MID1: variants seen among roughly 807,000 people sequenced by gnomAD.
MID1 encodes the protein midline 1, also known as E3 ubiquitin-protein ligase Midline-1.
MID1 carries 7 observed loss-of-function variants against 40.4 expected under a neutral mutation model. That is an observed-to-expected ratio of 0.17 (90% CI 0.10 to 0.33). The LOEUF (loss-of-function observed/expected upper bound fraction) is 0.33. MID1 is among the 10% of genes least tolerant of loss of function. The probability of loss-of-function intolerance (pLI) is 1.00; values close to 1 mark genes in which losing one functional copy is unlikely to be tolerated. For synonymous variants in MID1, 229 were observed against 221.2 expected (o/e 1.04, Z -0.31); for missense variants, 367 against 558.5 (o/e 0.66, Z 3.46).
At position 10,446,828 on chromosome X, in the gene MID1, T is replaced by C. The variant is rs1434812262; in HGVS notation, c.*2540A>G. The C allele has an allele frequency of 1.8e-5, 2 of 112,327 alleles. No individual in the cohort carries two copies. Among genetic ancestry groups the C allele is most frequent in the East Asian group, 5.6e-4 (2 of 3,580 alleles). 9.3% of individuals were successfully genotyped at this position (112,327 alleles called of 1,213,427 possible). A position where few individuals can be genotyped will look rare whatever the true frequency, so the allele number is the denominator to read the frequency against. On this transcript the variant is annotated 3_prime_UTR_variant, in exon 10 of 10. Coordinates refer to ENST00000317552, the MANE Select transcript of MID1 (RefSeq NM_000381.4). ...CACCAGACCTGGCAGTCTTGGTTGG[T>C]GCTGCATTGATTTTGTTGTATTAAT... is the stretch of plus-strand genomic sequence containing the variant.
At chrX:10,488,501 T>C (rs961322851) in intron 4 of MID1, among the ~76,000 whole-genome samples, 1 of 112,045 alleles carries the variant, frequency 8.9e-6, no homozygotes, top group Non-Finnish European at 1.9e-5. Context: ...ATTATTCTAG[T>C]AGGTAGGAAG....
chrX:10,626,306 T>A (rs1178183300), intron 1 of MID1, among the ~76,000 whole-genome samples: 6 of 102,054 alleles, frequency 5.9e-5, no homozygotes, highest in African/African-American at 2.2e-4. Context: ...GGTGATCATA[T>A]GAAACTATTA....
At chrX:10,672,116 T>TC (rs2042990720) in intron 1 of MID1, among the ~76,000 whole-genome samples, 1 of 109,894 alleles carries the variant, frequency 9.1e-6, no homozygotes, top group Non-Finnish European at 1.9e-5. Context: ...TCCCAGCTAC[T>TC]CAGGAGGCTG....
At chrX:10,553,557 G>C (rs1436546836) in intron 2 of MID1, among the ~76,000 whole-genome samples, 1 of 111,723 alleles carries the variant, frequency 9.0e-6, no homozygotes, top group Non-Finnish European at 1.9e-5. Flanking sequence ...TGAACTCATA[G>C]ACCAAGACTA....
At chrX:10,557,211 T>C (rs1934155840) in intron 2 of MID1, among the ~76,000 whole-genome samples, 1 of 111,646 alleles carries the variant, frequency 9.0e-6, no homozygotes, top group African/African-American at 3.3e-5. Context: ...GGGGGCATCT[T>C]CTAGGCAACT....
intron 6 of MID1, among the ~76,000 whole-genome samples, chrX:10,472,532 A>G (rs1929766580): frequency 1.8e-5 from 2 of 112,751 alleles, no homozygotes; most frequent in Admixed American, 1.9e-4. Flanking sequence ...TCTGGGCAGA[A>G]TGGCCATGTG....
At chrX:10,696,526 C>T (rs5979344) in intron 1 of MID1, among the ~76,000 whole-genome samples, 8,969 of 111,452 alleles carry the variant, frequency 0.08, 523 homozygotes, top group African/African-American at 0.21. Context: ...CTCTACAACT[C>T]GCCTCAGTCT....
chrX:10,557,199 A>T (rs995347780), intron 2 of MID1, among the ~76,000 whole-genome samples: 16 of 111,664 alleles, frequency 1.4e-4, no homozygotes, highest in African/African-American at 5.2e-4. Context: ...AAATGTCAGC[A>T]TGGGGGCATC....
intron 1 of MID1, among the ~76,000 whole-genome samples, chrX:10,830,942 T>C (rs2044248584): frequency 8.9e-6 from 1 of 111,855 alleles, no homozygotes; most frequent in Admixed American, 9.5e-5. Context: ...AGTGTTGGGG[T>C]ATTTTGACTG....
At chrX:10,778,811 G>A in intron 1 of MID1, among the ~76,000 whole-genome samples, 1 of 113,596 alleles carries the variant, frequency 8.8e-6, no homozygotes, top group Admixed American at 9.2e-5. Context: ...AGGCAGTAAT[G>A]CCAAGCTATT....
At chrX:10,609,153 G>A (rs182026202) in intron 1 of MID1, among the ~76,000 whole-genome samples, 272 of 102,388 alleles carry the variant, frequency 2.7e-3, no homozygotes, top group African/African-American at 9.6e-3. Context: ...ATGCACACGT[G>A]CATACACACA....
chrX:10,586,363 T>G (rs1327037818), intron 1 of MID1, among the ~76,000 whole-genome samples: 1 of 111,618 alleles, frequency 9.0e-6, no homozygotes, highest in Non-Finnish European at 1.9e-5. Flanking sequence ...GCTTGTCGTC[T>G]TCTTCAGAGT....
intron 3 of MID1, among the ~76,000 whole-genome samples, chrX:10,515,156 A>C: frequency 8.9e-6 from 1 of 112,383 alleles, no homozygotes; most frequent in East Asian, 2.8e-4. Context: ...TGGCATTACA[A>C]AACTGCACAA....
At position 10,593,315 on chromosome X, in the gene MID1, T is replaced by C. The variant is rs190955005; in HGVS notation, c.-56-25712A>G. Among the ~76,000 whole-genome samples, 14 of 112,194 alleles carry C rather than the reference T, an allele frequency of 1.2e-4. No individual in the cohort carries two copies. In the Admixed American group the frequency reaches 1.3e-3, roughly 11 times the overall value. ...AGACTATGGAATACTTTGAGAAATA[T>C]ATAAACTAATTGAGAAAGCACTAGT... On this transcript the variant is annotated intron_variant, in intron 1 of 9. Transcript: ENST00000317552.
intron 8 of MID1, among the ~76,000 whole-genome samples, chrX:10,458,919 TACATA>T (rs1928851881): frequency 8.9e-6 from 1 of 111,795 alleles, no homozygotes; most frequent in Non-Finnish European, 1.9e-5. Flanking sequence ...AACACCATGT[TACATA>T]ACATAATATT....
chrX:10,764,123 T>C (rs1185511491), intron 1 of MID1, among the ~76,000 whole-genome samples: 2 of 112,010 alleles, frequency 1.8e-5, no homozygotes, highest in Non-Finnish European at 3.8e-5. Flanking sequence ...GGTTGCCTGT[T>C]CACTCTGATG....
chrX:10,566,306 G>A (rs1172952622), intron 2 of MID1, among the ~76,000 whole-genome samples: 2 of 110,787 alleles, frequency 1.8e-5, no homozygotes, highest in Non-Finnish European at 1.9e-5. Context: ...CCAATAAGCT[G>A]GATATCGTTT....
intron 1 of MID1, among the ~76,000 whole-genome samples, chrX:10,800,349 C>G (rs1026325485): frequency 9.0e-6 from 1 of 111,494 alleles, no homozygotes. Context: ...TGAGTAAGCT[C>G]GTAAGCACGT....
chrX:10,770,985 A>C (rs2043763294), intron 1 of MID1, among the ~76,000 whole-genome samples: 1 of 109,507 alleles, frequency 9.1e-6, no homozygotes, highest in Admixed American at 9.7e-5. Flanking sequence ...GGGCGCCTGT[A>C]ATCCCAGCTA....
Sources: allele counts gnomAD v4.1 joint callset (sites outside exome capture counted in the v4.1 genomes callset), GRCh38; gene constraint gnomAD v4.1.1; transcripts MANE v1.5; gene names NCBI Gene and HGNC (gene_info 2026-07-23, HGNC 2026-07-21).